Variants in PLCG2 observed in about 807,000 individuals in gnomAD.
PLCG2 encodes the protein phospholipase C gamma 2.
A neutral mutation model predicts 175.6 loss-of-function variants in PLCG2; 69 were observed. That is an observed-to-expected ratio of 0.39 (90% CI 0.32 to 0.48). The LOEUF is 0.48. PLCG2 is among the 20% of genes least tolerant of loss of function. The pLI is 0.91. For synonymous variants in PLCG2, 827 were observed against 624.0 expected (o/e 1.33, Z -4.85); for missense variants, 1,798 against 1,650.9 (o/e 1.09, Z -1.54).
At chr16:81,916,381 CTTGA>C (rs1909843864) in intron 19 of PLCG2, among the ~76,000 whole-genome samples, 1 of 151,792 alleles carries the variant, frequency 6.6e-6, no homozygotes, top group Admixed American at 6.6e-5. Flanking sequence ...AATGCCTTTT[CTTGA>C]TTTTTTTCCC....
chr16:81,938,662 C>T lies in PLCG2; in HGVS notation c.3199-139C>T, dbSNP rs556175772. The T allele has an allele frequency of 5.2e-4, 315 of 609,068 alleles. 2 individuals are homozygous for T. The highest frequency in any genetic ancestry group is 3.4e-4 in the Non-Finnish European group (116 of 342,264). 37.7% of individuals were successfully genotyped at this position (609,068 alleles called of 1,614,324 possible). A position where few individuals can be genotyped will look rare whatever the true frequency, so the allele number is the denominator to read the frequency against. On this transcript the variant is annotated intron_variant, in intron 28 of 32. Coordinates refer to ENST00000564138, the MANE Select transcript of PLCG2 (RefSeq NM_002661.5). Reference sequence around the variant, plus strand: ...CTTCATCCACTGCAGAAGGTTGCTCCGGCTTTTCCAGTGAATCTAGGAAAA... The same window carrying T: ...CTTCATCCACTGCAGAAGGTTGCTCTGGCTTTTCCAGTGAATCTAGGAAAA...
chr16:81,844,692 G>A (rs1269280451), intron 2 of PLCG2, among the ~76,000 whole-genome samples: 1 of 152,198 alleles, frequency 6.6e-6, no homozygotes, highest in African/African-American at 2.4e-5. Flanking sequence ...GATCTGGATT[G>A]TGCATTTTGC....
At position 81,774,177 on chromosome 16, in the gene PLCG2, CAAAAAA is replaced by C. The variant is rs57503150; in HGVS notation, c.-47-11745_-47-11740del. On this transcript the variant is annotated intron_variant, in intron 2 of 5. Coordinates refer to the PLCG2 transcript ENST00000565054. ...TGAAATCCCGTCTCTACTAAAAATA[CAAAAAA>C]AAAAAAAAAAAAAAAAAAAAGCCAG... Among the ~76,000 whole-genome samples, 111 of 40,544 alleles carry C rather than the reference CAAAAAA, an allele frequency of 2.7e-3. 1 individual carries two copies. In the East Asian group the frequency reaches 0.092, roughly 33 times the overall value. 26.6% of individuals were successfully genotyped at this position (40,544 alleles called of 152,430 possible).
At chr16:81,906,312 C>G (rs1398262074) in intron 15 of PLCG2, 3 of 152,224 alleles carry the variant, frequency 2.0e-5, no homozygotes, top group Non-Finnish European at 4.4e-5. Flanking sequence ...ATTTTTCAGA[C>G]TTTAATGCTG....
chr16:81,895,536 G>A (rs1435437678), intron 12 of PLCG2: 9 of 372,278 alleles, frequency 2.4e-5, no homozygotes, highest in South Asian at 2.1e-4. Context: ...CTCCAGCCTG[G>A]GCAACAGAGC....
intron 23 of PLCG2, among the ~76,000 whole-genome samples, chr16:81,927,726 T>A: frequency 6.6e-6 from 1 of 152,188 alleles, no homozygotes; most frequent in East Asian, 1.9e-4. Flanking sequence ...GTGTTTATTT[T>A]CTAAGGGATG....
chr16:81,813,173 A>T (rs1281172709), intron 2 of PLCG2, among the ~76,000 whole-genome samples: 2 of 152,184 alleles, frequency 1.3e-5, no homozygotes, highest in Non-Finnish European at 2.9e-5. Flanking sequence ...TTTTGGTTCC[A>T]TATGAAATTT....
chr16:81,928,787 A>T, intron 24 of PLCG2, 163 bp downstream of exon 24: 1 of 605,368 alleles, frequency 1.7e-6, no homozygotes, highest in African/African-American at 1.8e-5. Context: ...GTCAGTGAGT[A>T]TGATGCTATG....
chr16:81,758,516 G>A (rs929645853), intron 2 of PLCG2, among the ~76,000 whole-genome samples: 1 of 152,104 alleles, frequency 6.6e-6, no homozygotes, highest in Admixed American at 6.6e-5. Flanking sequence ...TATTTACCTA[G>A]GAGTGGCCTT....
At chr16:81,811,674 C>G (rs7405072) in intron 2 of PLCG2, among the ~76,000 whole-genome samples, 146,473 of 152,132 alleles carry the variant, frequency 0.96, 70,541 homozygotes, top group East Asian at 1. Flanking sequence ...CCAGCTTCAT[C>G]CATGTCCCTG....
intron 19 of PLCG2, among the ~76,000 whole-genome samples, chr16:81,915,409 G>A (rs1329557244): frequency 6.6e-6 from 1 of 152,224 alleles, no homozygotes; most frequent in Non-Finnish European, 1.5e-5. Context: ...GGCTGTGATT[G>A]GTGGAAGGCA....
chr16:81,749,751 A>G (rs142236389), intron 1 of PLCG2, among the ~76,000 whole-genome samples: 5 of 152,358 alleles, frequency 3.3e-5, no homozygotes, highest in Non-Finnish European at 5.9e-5. Flanking sequence ...TTGTTTTGGT[A>G]TGTGTCCAGC....
intron 2 of PLCG2, among the ~76,000 whole-genome samples, chr16:81,810,669 G>C (rs1303322446): frequency 6.8e-6 from 1 of 146,812 alleles, no homozygotes; most frequent in Non-Finnish European, 1.5e-5. Flanking sequence ...TGGTGATGTT[G>C]CTCTTTAAAA....
chr16:81,914,616 G>A (rs1047228177), intron 19 of PLCG2, among the ~76,000 whole-genome samples: 5 of 152,194 alleles, frequency 3.3e-5, no homozygotes, highest in Non-Finnish European at 7.3e-5. Flanking sequence ...AGCACCTACT[G>A]TGTGCCGGGC....
intron 2 of PLCG2, among the ~76,000 whole-genome samples, chr16:81,771,306 C>G (rs527396569): frequency 1.1e-3 from 160 of 152,264 alleles, no homozygotes; most frequent in African/African-American, 3.6e-3. Flanking sequence ...CAGCTCACTG[C>G]AGCCTTAAAC....
At chr16:81,752,292 G>C (rs578184162) in intron 1 of PLCG2, among the ~76,000 whole-genome samples, 1 of 152,228 alleles carries the variant, frequency 6.6e-6, no homozygotes, top group Admixed American at 6.5e-5. Context: ...AGCTTCCCCA[G>C]GTGGAAGGTT....
intron 1 of PLCG2, among the ~76,000 whole-genome samples, chr16:81,751,074 G>C (rs1909803936): frequency 6.7e-6 from 1 of 148,370 alleles, no homozygotes; most frequent in Non-Finnish European, 1.5e-5. Flanking sequence ...TCCACCTCCA[G>C]GGTTTAAGTG....
chr16:81,827,062 G>T (rs1307367489), intron 2 of PLCG2, among the ~76,000 whole-genome samples: 3 of 152,188 alleles, frequency 2.0e-5, no homozygotes, highest in African/African-American at 7.2e-5. Context: ...TAAGCCCCAT[G>T]ATTGTGCTGT....
chr16:81,764,406 A>C (rs1318464195), intron 2 of PLCG2, among the ~76,000 whole-genome samples: 1 of 152,256 alleles, frequency 6.6e-6, no homozygotes, highest in Non-Finnish European at 1.5e-5. Context: ...TCAATGTGAC[A>C]GTGTAGAAGA....
Sources: gnomAD v4.1 joint callset for allele counts (sites outside exome capture counted in the v4.1 genomes callset) on GRCh38, gnomAD v4.1.1 for gene constraint, MANE v1.5 for transcripts, NCBI Gene and HGNC (gene_info 2026-07-23, HGNC 2026-07-21) for gene names.